Variants in AVL9 observed in about 807,000 individuals in gnomAD.
AVL9 encodes the protein late secretory pathway protein AVL9 homolog.
A neutral mutation model predicts 79.2 loss-of-function variants in AVL9; 49 were observed. The observed-to-expected ratio is 0.62, with a 90% CI of 0.49 to 0.79. The LOEUF (loss-of-function observed/expected upper bound fraction) is 0.79. Ranked by LOEUF, AVL9 falls within the 30% of genes least tolerant of loss-of-function variation. The pLI is 0.00. For synonymous variants in AVL9, 299 were observed against 280.6 expected (o/e 1.07, Z -0.65); for missense variants, 682 against 776.8 (o/e 0.88, Z 1.45).
At chr7:32,583,652 C>T (rs1047873850) in intron 15 of AVL9, 140 bp from the exon 16 acceptor site, 2 of 553,068 alleles carry the variant, frequency 3.6e-6, no homozygotes, top group African/African-American at 3.8e-5. Context: ...GCACTCCAGC[C>T]TGGGCGACAG....
intron 3 of AVL9, among the ~76,000 whole-genome samples, chr7:32,548,053 C>T (rs995506700): frequency 1.3e-5 from 2 of 152,102 alleles, no homozygotes; most frequent in African/African-American, 2.4e-5. Context: ...GGCGCCAATA[C>T]AAGTGTCCAG....
At position 32,511,853 on chromosome 7, in the gene AVL9, G is replaced by A. The variant is rs181166118; in HGVS notation, c.93+16051G>A. On this transcript the variant is annotated intron_variant, in intron 1 of 15. Coordinates refer to ENST00000318709, the MANE Select transcript of AVL9 (RefSeq NM_015060.3). ...AGAAATGGAGGCCAGGGTTGAGGCC[G>A]AGAAATTGGAGGTAGCTTTCTGGTC... is the stretch of plus-strand genomic sequence containing the variant. Among the ~76,000 whole-genome samples, 417 of 152,232 alleles carry A rather than the reference G, an allele frequency of 2.7e-3. 3 individuals carry two copies. The highest frequency in any genetic ancestry group is 2.1e-3 in the Non-Finnish European group (143 of 68,010).
At chr7:32,517,424 G>T (rs1787952047) in intron 1 of AVL9, among the ~76,000 whole-genome samples, 1 of 151,096 alleles carries the variant, frequency 6.6e-6, no homozygotes, top group Non-Finnish European at 1.5e-5. Context: ...TCCTTCCTTA[G>T]CCTCTCTAGT....
rs1791818970 is a variant in AVL9, at chr7:32,586,907, G to C, written c.*3000G>C. ...TAGAAATAGTTGCATGTCCAAAGAA[G>C]GCTTAGAATGATTGTGCATATGCAG... is the stretch of plus-strand genomic sequence containing the variant. On this transcript the variant is annotated 3_prime_UTR_variant, in exon 16 of 16. Transcript: ENST00000318709. The C allele has an allele frequency of 6.6e-6, 1 of 152,224 alleles. No homozygotes were observed. The highest frequency in any genetic ancestry group is 2.4e-5 in the African/African-American group (1 of 41,436). 9.4% of individuals were successfully genotyped at this position (152,224 alleles called of 1,614,324 possible).
chr7:32,577,297 C>T (rs1317639885), intron 13 of AVL9, among the ~76,000 whole-genome samples: 3 of 152,256 alleles, frequency 2.0e-5, no homozygotes, highest in Non-Finnish European at 4.4e-5. Context: ...TAATGAGACC[C>T]CATCTTTTAA....
At chr7:32,538,693 T>A (rs1006371800) in intron 1 of AVL9, 9 of 152,306 alleles carry the variant, frequency 5.9e-5, no homozygotes, top group African/African-American at 1.9e-4. Flanking sequence ...GCATGTTTTT[T>A]AAATCCATTT....
At chr7:32,565,698 T>C (rs1446415250) in intron 10 of AVL9, among the ~76,000 whole-genome samples, 2 of 151,878 alleles carry the variant, frequency 1.3e-5, no homozygotes, top group Non-Finnish European at 2.9e-5. Flanking sequence ...ACCTCAGCTC[T>C]ACTAAGTAAA....
chr7:32,571,410 C>T (rs1790838074), intron 11 of AVL9, among the ~76,000 whole-genome samples: 2 of 151,796 alleles, frequency 1.3e-5, no homozygotes, highest in African/African-American at 4.8e-5. Flanking sequence ...TGCCTGTAAT[C>T]CCAGCTACTT....
rs1583469462 is a variant in AVL9 at position 32,495,896 on chromosome 7, T to C, written c.93+94T>C. ...GCTTCTGTGTGCTCAGCTCGCGTCGTGCAGTCCTCCCCACAGCGCCTGCGA... is the reference window on the plus strand; with the variant it reads ...GCTTCTGTGTGCTCAGCTCGCGTCGCGCAGTCCTCCCCACAGCGCCTGCGA... On this transcript the variant is annotated intron_variant, in intron 1 of 15. Coordinates refer to ENST00000318709, the MANE Select transcript of AVL9 (RefSeq NM_015060.3). 2.6e-5 allele frequency: 21 copies of C among 803,906 alleles called. No individual in the cohort carries two copies. In the East Asian group the frequency reaches 6.4e-4, roughly 25 times the overall value. 49.8% of individuals were successfully genotyped at this position (803,906 alleles called of 1,614,324 possible).
chr7:32,539,048 T>C (rs1163838623), intron 1 of AVL9: 1 of 152,274 alleles, frequency 6.6e-6, no homozygotes, highest in African/African-American at 2.4e-5. Context: ...AGTCGGGAGT[T>C]TGAGACTAGC....
rs201566331 is a variant in AVL9, at chr7:32,506,092, C to T, written c.93+10290C>T. Among the ~76,000 whole-genome samples, 27 of 151,932 alleles carry T rather than the reference C, an allele frequency of 1.8e-4. No individual in the cohort carries two copies. In the East Asian group the frequency reaches 5.0e-3, roughly 28 times the overall value. On this transcript the variant is annotated intron_variant, in intron 1 of 15. Transcript: ENST00000318709. Reference sequence around the variant, plus strand: ...GATGTATATTTTTCTAATTTTTTTCCTGTACATACATATGATAAAGTTTAG... The same window carrying T: ...GATGTATATTTTTCTAATTTTTTTCTTGTACATACATATGATAAAGTTTAG...
intron 9 of AVL9, 54 bp downstream of exon 9, chr7:32,558,682 A>C (rs1382489361): frequency 6.5e-6 from 9 of 1,390,784 alleles, no homozygotes; most frequent in African/African-American, 1.5e-5. Flanking sequence ...ACTGGAACCT[A>C]AACTTTTAGA....
At chr7:32,504,372 T>C (rs1307244356) in intron 1 of AVL9, among the ~76,000 whole-genome samples, 1 of 152,208 alleles carries the variant, frequency 6.6e-6, no homozygotes, top group Admixed American at 6.5e-5. Flanking sequence ...AGAAAACCAG[T>C]CTTTATCATT....
intron 1 of AVL9, chr7:32,538,145 G>A (rs1477286579): frequency 2.0e-5 from 3 of 152,142 alleles, no homozygotes; most frequent in African/African-American, 4.8e-5. Flanking sequence ...TTGCGAATTC[G>A]GAGAATATGT....
intron 12 of AVL9, 115 bp downstream of exon 12, chr7:32,573,533 A>G: frequency 1.1e-6 from 1 of 933,402 alleles, no homozygotes; most frequent in Non-Finnish European, 1.6e-6. Flanking sequence ...AAAAATTACC[A>G]GTTATTCCCT....
chr7:32,505,263 C>T (rs1016632409), intron 1 of AVL9, among the ~76,000 whole-genome samples: 35 of 151,828 alleles, frequency 2.3e-4, no homozygotes, highest in Non-Finnish European at 2.1e-4. Flanking sequence ...TGGTGGCTTA[C>T]GCCTGTAATC....
chr7:32,515,210 C>A (rs1346302862), intron 1 of AVL9, among the ~76,000 whole-genome samples: 1 of 152,190 alleles, frequency 6.6e-6, no homozygotes, highest in Non-Finnish European at 1.5e-5. Flanking sequence ...TCTTTAACCT[C>A]GGCAAAATAA....
At chr7:32,548,493 C>A (rs868156435) in intron 3 of AVL9, among the ~76,000 whole-genome samples, 1 of 152,302 alleles carries the variant, frequency 6.6e-6, no homozygotes, top group African/African-American at 2.4e-5. Context: ...AAACAATGGT[C>A]TCTGAAAGGA....
intron 11 of AVL9, among the ~76,000 whole-genome samples, chr7:32,572,095 G>C (rs1263644485): frequency 6.6e-6 from 1 of 151,214 alleles, no homozygotes; most frequent in Non-Finnish European, 1.5e-5. Context: ...CCGGGTGGCA[G>C]AGGTTGCAGG....
Sources: allele counts gnomAD v4.1 joint callset (sites outside exome capture counted in the v4.1 genomes callset), GRCh38; gene constraint gnomAD v4.1.1; transcripts MANE v1.5; gene names NCBI Gene and HGNC (gene_info 2026-07-23, HGNC 2026-07-21).